DRC7: variants seen among roughly 807,000 people sequenced by gnomAD.
The protein encoded by DRC7 is dynein regulatory complex subunit 7, also known as coiled-coil domain containing 135.
Under a neutral mutation model 104.4 loss-of-function variants are expected in DRC7, and 80 were observed. That is an observed-to-expected ratio of 0.77 (90% CI 0.64 to 0.92). The LOEUF is 0.92. Among genes scored for constraint, DRC7 ranks in the 40% least tolerant of loss-of-function variants. The pLI is 0.00. For missense variants in DRC7, 1,034 were observed against 1,141.1 expected, an observed-to-expected ratio of 0.91 and a Z score of 1.35; for synonymous variants, 405 against 447.3, an observed-to-expected ratio of 0.91 and a Z score of 1.19.
chr16:57,711,951 T>C (rs2048795137), intron 8 of DRC7, among the ~76,000 whole-genome samples: 1 of 152,194 alleles, frequency 6.6e-6, no homozygotes, highest in South Asian at 2.1e-4. Flanking sequence ...CAAGCACTGA[T>C]CTTAGGAGCA....
Position 57,718,518 on chromosome 16 carries a change from G to A in DRC7, c.1206+43G>A, listed in dbSNP as rs774833281. On this transcript the variant is annotated intron_variant, in intron 9 of 18. Transcript: ENST00000360716. ...GAGAGCCCAGGGAATGTGTGTGAAGGCTTCAGGGAGCCTGACAAGTGTCCC... is the reference window on the plus strand; with the variant it reads ...GAGAGCCCAGGGAATGTGTGTGAAGACTTCAGGGAGCCTGACAAGTGTCCC... 1.9e-6 allele frequency: 3 copies of A among 1,606,218 alleles called. No individual in the cohort carries two copies. The Admixed American group carries it at 5.0e-5, about 27-fold the overall frequency.
At chr16:57,707,804 T>G in intron 8 of DRC7, 126 bp downstream of exon 8, 1 of 775,328 alleles carries the variant, frequency 1.3e-6, no homozygotes, top group Non-Finnish European at 2.2e-6. Context: ...TTGAACCTTC[T>G]CCATAGCTGC....
intron 8 of DRC7, among the ~76,000 whole-genome samples, chr16:57,710,479 C>G (rs1007810800): frequency 1.3e-5 from 2 of 152,074 alleles, no homozygotes; most frequent in Admixed American, 1.3e-4. Flanking sequence ...ACTTCTTTTC[C>G]CATCTGGATG....
intron 8 of DRC7, among the ~76,000 whole-genome samples, chr16:57,715,167 C>T (rs1240084517): frequency 6.6e-6 from 1 of 152,216 alleles, no homozygotes; most frequent in Non-Finnish European, 1.5e-5. Flanking sequence ...CTCACCTCAG[C>T]CTCCTGAGTA....
At chr16:57,718,238 C>A in intron 8 of DRC7, 109 bp from the exon 9 acceptor site, 1 of 1,418,676 alleles carries the variant, frequency 7.0e-7, no homozygotes, top group Non-Finnish European at 9.6e-7. Flanking sequence ...AAGCCCTGGG[C>A]CCAGGTCCCT....
chr16:57,731,268 T>C lies in DRC7; in HGVS notation c.*10T>C. 3.7e-6 allele frequency: 6 copies of C among 1,607,174 alleles called. No homozygotes were observed. The highest frequency in any genetic ancestry group is 5.1e-6 in the Non-Finnish European group (6 of 1,174,408). ...GAAAATATTCGCTTGATGTCCCTCC[T>C]GGGGCCTCAGCCAGAGCTGCCAGAG... is the stretch of plus-strand genomic sequence containing the variant. On this transcript the variant is annotated 3_prime_UTR_variant, in exon 19 of 19. Coordinates refer to ENST00000360716, the MANE Select transcript of DRC7 (RefSeq NM_001289162.2).
At chr16:57,702,244 G>A (rs574382427) in intron 6 of DRC7, 114 bp downstream of exon 6, 21 of 1,040,270 alleles carry the variant, frequency 2.0e-5, no homozygotes, top group South Asian at 3.0e-5. Context: ...CTGGCCACGC[G>A]GACACAGATC....
intron 8 of DRC7, among the ~76,000 whole-genome samples, chr16:57,717,175 A>AAAAAT (rs2048851731): frequency 6.6e-6 from 1 of 150,862 alleles, no homozygotes; most frequent in East Asian, 2.0e-4. Flanking sequence ...AAAAGAAAAG[A>AAAAAT]AAAATAAAAG....
chr16:57,709,891 T>G (rs1214637053), intron 8 of DRC7, among the ~76,000 whole-genome samples: 5 of 152,134 alleles, frequency 3.3e-5, no homozygotes, highest in Admixed American at 3.3e-4. Flanking sequence ...GCCTCCCGAG[T>G]AGCTGGGACT....
At chr16:57,708,769 C>A (rs2048760632) in intron 8 of DRC7, among the ~76,000 whole-genome samples, 1 of 152,154 alleles carries the variant, frequency 6.6e-6, no homozygotes, top group Non-Finnish European at 1.5e-5. Context: ...ATACTGGATA[C>A]TTTCTTTTCC....
intron 6 of DRC7, among the ~76,000 whole-genome samples, chr16:57,702,821 T>TA (rs1446353089): frequency 1.3e-5 from 2 of 151,694 alleles, no homozygotes; most frequent in Non-Finnish European, 2.9e-5. Context: ...ATAAAAGAAA[T>TA]AAAAAATAAC....
chr16:57,712,172 A>T (rs2048796756), intron 8 of DRC7, among the ~76,000 whole-genome samples: 1 of 152,268 alleles, frequency 6.6e-6, no homozygotes, highest in Non-Finnish European at 1.5e-5. Flanking sequence ...CTTGGAGGTT[A>T]GAAGCAAGAT....
chr16:57,730,759 G>A (rs562423916), intron 17 of DRC7, among the ~76,000 whole-genome samples, 172 bp from the exon 18 acceptor site: 71 of 152,242 alleles, frequency 4.7e-4, no homozygotes, highest in Non-Finnish European at 7.9e-4. Context: ...TCCCACCCAA[G>A]ATATTTTGTG....
intron 16 of DRC7, 84 bp downstream of exon 16, chr16:57,727,493 C>A: frequency 1.1e-6 from 1 of 947,120 alleles, no homozygotes; most frequent in Non-Finnish European, 1.7e-6. Flanking sequence ...AGGGATTCTG[C>A]TGAGAAACCC....
In DRC7 at chr16:57,722,989, A is replaced by G. The variant is rs369634155; in HGVS notation, c.1409-13A>G. On this transcript the variant is annotated splice_polypyrimidine_tract_variant and intron_variant, in intron 11 of 18. Coordinates refer to ENST00000360716, the MANE Select transcript of DRC7 (RefSeq NM_001289162.2). ...GCTGGCCTGGCTGCGGCAAGTGTCC[A>G]TCGGCCCCACAGGTACCAATATTTT... 175 of 1,613,646 alleles carry G rather than the reference A, an allele frequency of 1.1e-4. No homozygotes were observed. In the Admixed American group the frequency reaches 2.9e-3, roughly 26 times the overall value.
At chr16:57,729,718 ATGGG>A (rs2049029897) in intron 17 of DRC7, among the ~76,000 whole-genome samples, 1 of 62,798 alleles carries the variant, frequency 1.6e-5, no homozygotes, top group Non-Finnish European at 2.8e-5. Flanking sequence ...TGATGGATGG[ATGGG>A]TGAGTGGGTG....
At chr16:57,698,442 T>C (rs1368444132) in intron 3 of DRC7, among the ~76,000 whole-genome samples, 3 of 152,068 alleles carry the variant, frequency 2.0e-5, no homozygotes, top group African/African-American at 7.2e-5. Context: ...GTCCCAGCAC[T>C]TTAGAAGGAA....
At chr16:57,709,565 TG>T (rs1367272099) in intron 8 of DRC7, among the ~76,000 whole-genome samples, 20 of 152,324 alleles carry the variant, frequency 1.3e-4, no homozygotes, top group African/African-American at 4.3e-4. Context: ...TTATATCAAA[TG>T]TTTTTTTCAT....
At chr16:57,723,784 T>C (rs1367011554) in intron 12 of DRC7, among the ~76,000 whole-genome samples, 1 of 122,188 alleles carries the variant, frequency 8.2e-6, no homozygotes, top group Non-Finnish European at 1.6e-5. Flanking sequence ...ATAGGAGTAA[T>C]ATACATTTTT....
Sources: allele counts gnomAD v4.1 joint callset (sites outside exome capture counted in the v4.1 genomes callset), GRCh38; gene constraint gnomAD v4.1.1; transcripts MANE v1.5; gene names NCBI Gene and HGNC (gene_info 2026-07-23, HGNC 2026-07-21).